AGBL4: variants seen among roughly 807,000 people sequenced by gnomAD.
The protein encoded by AGBL4 is cytosolic carboxypeptidase 6.
A neutral mutation model predicts 66.4 loss-of-function variants in AGBL4; 58 were observed. That is an observed-to-expected ratio of 0.87 (90% CI 0.71 to 1.09). AGBL4 has a LOEUF of 1.09. AGBL4 is among the 50% of genes least tolerant of loss of function. AGBL4 has a pLI of 0.00. For missense variants in AGBL4, 579 were observed against 631.0 expected (o/e 0.92, Z 0.88); for synonymous variants, 234 against 222.9 (o/e 1.05, Z -0.44).
intron 3 of AGBL4, among the ~76,000 whole-genome samples, chr1:49,401,393 T>C (rs1255168785): frequency 6.6e-6 from 1 of 152,186 alleles, no homozygotes; most frequent in Non-Finnish European, 1.5e-5. Context: ...GGTGGGGACA[T>C]AGCCAAATCA....
At chr1:49,866,029 C>A in intron 1 of AGBL4, 3 of 265,854 alleles carry the variant, frequency 1.1e-5, no homozygotes, top group South Asian at 3.9e-5. Context: ...GACTATCTTG[C>A]TGAAGTAAGA....
chr1:49,316,648 A>G (rs1384492088), intron 3 of AGBL4, among the ~76,000 whole-genome samples: 1 of 151,958 alleles, frequency 6.6e-6, no homozygotes, highest in African/African-American at 2.4e-5. Context: ...GTTGATACCA[A>G]TCAGAGAGAT....
chr1:49,828,612 T>C (rs1026464190), intron 2 of AGBL4, among the ~76,000 whole-genome samples: 1 of 152,212 alleles, frequency 6.6e-6, no homozygotes, highest in African/African-American at 2.4e-5. Context: ...AAGTAGTCAC[T>C]GATCACTTTG....
chr1:49,176,267 G>A (rs575033516), intron 4 of AGBL4, among the ~76,000 whole-genome samples: 1 of 152,224 alleles, frequency 6.6e-6, no homozygotes, highest in African/African-American at 2.4e-5. Flanking sequence ...TGTATTCAAG[G>A]TCTTAGTCTC....
intron 3 of AGBL4, among the ~76,000 whole-genome samples, chr1:49,434,560 T>C (rs540643749): frequency 6.6e-5 from 10 of 152,262 alleles, no homozygotes; most frequent in African/African-American, 2.2e-4. Context: ...AGGTTATTCA[T>C]GTCGTAGGTA....
chr1:49,088,836 G>T (rs1644952716), intron 4 of AGBL4, among the ~76,000 whole-genome samples: 2 of 151,710 alleles, frequency 1.3e-5, no homozygotes, highest in South Asian at 4.2e-4. Flanking sequence ...TTCTAAAATT[G>T]ACCTCACAAT....
intron 4 of AGBL4, among the ~76,000 whole-genome samples, chr1:49,166,824 T>C (rs570876758): frequency 5.9e-5 from 9 of 152,338 alleles, no homozygotes; most frequent in Non-Finnish European, 8.8e-5. Flanking sequence ...ATCTTAGCCT[T>C]GACCTCTTGC....
chr1:49,382,438 A>T (rs191537229), intron 3 of AGBL4, among the ~76,000 whole-genome samples: 1 of 152,162 alleles, frequency 6.6e-6, no homozygotes, highest in African/African-American at 2.4e-5. Context: ...TAGAGAAAAA[A>T]AATTTTTTGA....
intron 3 of AGBL4, among the ~76,000 whole-genome samples, chr1:49,612,589 G>A (rs944333877): frequency 2.0e-5 from 3 of 151,984 alleles, no homozygotes; most frequent in African/African-American, 4.8e-5. Context: ...GATACTTTTC[G>A]AAAGAATACA....
intron 4 of AGBL4, among the ~76,000 whole-genome samples, chr1:49,084,567 C>A (rs1295868367): frequency 6.6e-6 from 1 of 152,146 alleles, no homozygotes; most frequent in East Asian, 1.9e-4. Flanking sequence ...AGAAACCACC[C>A]CCATGATTCA....
intron 3 of AGBL4, among the ~76,000 whole-genome samples, chr1:49,643,207 G>A (rs918937189): frequency 1.3e-5 from 2 of 151,680 alleles, no homozygotes; most frequent in African/African-American, 2.4e-5. Context: ...CAGATTATAC[G>A]CTGCATGGGA....
chr1:49,163,931 G>C (rs1646585847), intron 4 of AGBL4, among the ~76,000 whole-genome samples: 1 of 152,108 alleles, frequency 6.6e-6, no homozygotes, highest in Admixed American at 6.6e-5. Context: ...CAGGGGTATG[G>C]TTTATGCATG....
At chr1:49,665,887 A>G (rs542260061) in intron 3 of AGBL4, among the ~76,000 whole-genome samples, 267 of 150,848 alleles carry the variant, frequency 1.8e-3, no homozygotes, top group Non-Finnish European at 2.9e-3. Context: ...AGGTGCCTAC[A>G]GTAGTCAATA....
intron 1 of AGBL4, among the ~76,000 whole-genome samples, chr1:49,865,466 T>G (rs986307036): frequency 1.3e-5 from 2 of 152,012 alleles, no homozygotes; most frequent in Admixed American, 1.3e-4. Context: ...CCCAGGCAAA[T>G]AGAGTCTGGA....
chr1:49,494,500 C>T (rs1390380236), intron 3 of AGBL4, among the ~76,000 whole-genome samples: 1 of 151,906 alleles, frequency 6.6e-6, no homozygotes, highest in Non-Finnish European at 1.5e-5. Flanking sequence ...GTTCAATTCC[C>T]ACCTATGAGT....
chr1:49,793,662 A>G (rs1283871917), intron 2 of AGBL4, among the ~76,000 whole-genome samples: 1 of 151,912 alleles, frequency 6.6e-6, no homozygotes, highest in African/African-American at 2.4e-5. Context: ...ATTTTTTTTA[A>G]TGTCTATGAT....
At position 48,539,643 on chromosome 1, in the gene AGBL4, G is replaced by A. The variant is rs1362473143; in HGVS notation, c.1363C>T (p.Arg455Ter). The A allele has an allele frequency of 1.0e-5, 16 of 1,532,642 alleles. No individual in the cohort carries two copies. The highest frequency in any genetic ancestry group is 8.1e-5 in the Admixed American group (4 of 49,654). The allele number at this position is 1,532,642 out of a possible 1,614,324, so 94.9% of individuals were successfully genotyped here. ...EKVAIPMPRL[R>*]NKEIEVQRRK... is the part of the protein sequence containing the mutation. The stretch of plus-strand genomic sequence containing the variant: ...AAACCTCTCTGCTCTGCCACTTACC[G>A]CAGTCTCGGCATGGGAATTGCCACC... Residue 455 changes from arginine (R) to a stop codon, truncating the protein, a stop_gained and splice_region_variant, in exon 12 of 14, where the codon CGA becomes TGA. Coordinates refer to ENST00000371839, the MANE Select transcript of AGBL4 (RefSeq NM_032785.4). LOFTEE classifies it high-confidence loss of function.
At chr1:48,769,374 T>C (rs536655605) in intron 6 of AGBL4, among the ~76,000 whole-genome samples, 11 of 152,158 alleles carry the variant, frequency 7.2e-5, no homozygotes, top group Admixed American at 1.3e-4. Context: ...GTTCATTCTA[T>C]GGAGCCATTT....
At chr1:48,942,052 C>G (rs1156566670) in intron 5 of AGBL4, among the ~76,000 whole-genome samples, 1 of 152,166 alleles carries the variant, frequency 6.6e-6, no homozygotes, top group African/African-American at 2.4e-5. Context: ...GAGGACTGTT[C>G]TATAAAGTCA....
Sources: gnomAD v4.1 joint callset for allele counts (sites outside exome capture counted in the v4.1 genomes callset) on GRCh38, gnomAD v4.1.1 for gene constraint, MANE v1.5 for transcripts, NCBI Gene and HGNC (gene_info 2026-07-23, HGNC 2026-07-21) for gene names.